SVEP1: variants seen among roughly 807,000 people sequenced by gnomAD.
SVEP1 encodes the protein sushi, von Willebrand factor type A, EGF and pentraxin domain-containing protein 1.
Under a neutral mutation model 367.3 loss-of-function variants are expected in SVEP1, and 164 were observed. The ratio of observed to expected loss-of-function variants is 0.45; its 90% CI spans 0.39 to 0.51. SVEP1 has a LOEUF of 0.51. Among genes scored for constraint, SVEP1 ranks in the 20% least tolerant of loss-of-function variants. The probability of loss-of-function intolerance (pLI) is 0.00; values close to 1 mark genes in which losing one functional copy is unlikely to be tolerated. For synonymous variants in SVEP1, 1,666 were observed against 1,611.6 expected (o/e 1.03, Z -0.81); for missense variants, 4,117 against 4,425.3 (o/e 0.93, Z 1.98).
In SVEP1 at chr9:110,549,805, C is replaced by A. The variant is rs745508101; in HGVS notation, c.787+44G>T. ...TTTCAAGCAGTGAGAGGCAAGGAAGCCTCATTTAAAAGTACCTTTGTGATG... is the reference window on the plus strand; with the variant it reads ...TTTCAAGCAGTGAGAGGCAAGGAAGACTCATTTAAAAGTACCTTTGTGATG... On this transcript the variant is annotated intron_variant, in intron 2 of 47. Coordinates refer to ENST00000374469, the MANE Select transcript of SVEP1 (RefSeq NM_153366.4). 1.7e-5 allele frequency: 27 copies of A among 1,603,298 alleles called. No homozygotes were observed. In the Admixed American group the frequency reaches 4.6e-4, roughly 27 times the overall value.
At chr9:110,378,066 A>G (rs185698989) in intron 44 of SVEP1, among the ~76,000 whole-genome samples, 1 of 152,202 alleles carries the variant, frequency 6.6e-6, no homozygotes, top group African/African-American at 2.4e-5. Context: ...GCAAAGCTGA[A>G]TAATATTTCA....
At chr9:110,448,503 C>G (rs550770428) in intron 24 of SVEP1, among the ~76,000 whole-genome samples, 15 of 152,276 alleles carry the variant, frequency 9.9e-5, no homozygotes, top group African/African-American at 3.6e-4. Context: ...GGGATCTTTA[C>G]TGGGTCTCTG....
chr9:110,429,878 A>G (rs1374007830), intron 34 of SVEP1, 42 bp downstream of exon 34: 3 of 1,551,780 alleles, frequency 1.9e-6, no homozygotes, highest in African/African-American at 1.4e-5. Flanking sequence ...CCAGTATGCC[A>G]TCAACATCTT....
chr9:110,425,441 A>G (rs2986669), intron 36 of SVEP1, among the ~76,000 whole-genome samples: 59,725 of 152,052 alleles, frequency 0.39, 12,315 homozygotes, highest in African/African-American at 0.53. Flanking sequence ...CAATGACAGA[A>G]AAAGTTTCCA....
chr9:110,424,172 C>T (rs753267319), intron 36 of SVEP1, among the ~76,000 whole-genome samples: 3 of 152,206 alleles, frequency 2.0e-5, no homozygotes, highest in Non-Finnish European at 2.9e-5. Flanking sequence ...TGTTCTTTTA[C>T]ATGTGTGCCA....
chr9:110,406,945 G>T lies in SVEP1; in HGVS notation c.8655C>A (p.Asp2885Glu), dbSNP rs776189099. 2 of 1,613,860 alleles carry T rather than the reference G, an allele frequency of 1.2e-6. No individual in the cohort carries two copies. The highest frequency in any genetic ancestry group is 1.1e-5 in the South Asian group (1 of 91,080). ...GGGTGGCACATCTGACAGGCACACAGTCGGGAGTGGCTCCACTCCAACTTC... is the reference window on the plus strand; with the variant it reads ...GGGTGGCACATCTGACAGGCACACATTCGGGAGTGGCTCCACTCCAACTTC... ...ANGSWSGATP[D>E]CVPVRCATPP... The change falls in exon 38 of 48, where the codon GAC (aspartate) becomes GAA (glutamate). Residue 2885 changes from aspartate to glutamate, a missense_variant. Physicochemically the swap from Asp to Glu is conservative, Grantham distance 45 (BLOSUM62 2). This residue lies in a region of SVEP1 where 1,765 missense variants were observed against 1,781.1 expected (regional missense o/e 0.99). Transcript: ENST00000374469.
chr9:110,535,771 T>C (rs953335995), intron 3 of SVEP1, among the ~76,000 whole-genome samples: 2 of 152,116 alleles, frequency 1.3e-5, no homozygotes, highest in Non-Finnish European at 2.9e-5. Context: ...TTTGTGGCAA[T>C]TGTGAATGAA....
intron 3 of SVEP1, among the ~76,000 whole-genome samples, chr9:110,518,215 A>G (rs1296828942): frequency 1.3e-5 from 2 of 151,946 alleles, no homozygotes; most frequent in Admixed American, 6.6e-5. Context: ...CTGAGGTCAG[A>G]AGTTCGAGAC....
At chr9:110,571,060 T>C (rs1166163518) in intron 1 of SVEP1, among the ~76,000 whole-genome samples, 1 of 141,370 alleles carries the variant, frequency 7.1e-6, no homozygotes, top group African/African-American at 2.6e-5. Context: ...CACTGCAACC[T>C]CGGCCTCCCA....
chr9:110,437,768 A>C (rs1442920591), intron 27 of SVEP1, among the ~76,000 whole-genome samples: 2 of 152,134 alleles, frequency 1.3e-5, no homozygotes, highest in African/African-American at 4.8e-5. Context: ...CCCAATGTGT[A>C]GTCTTTTATC....
chr9:110,431,425 C>T (rs569657514), intron 32 of SVEP1, among the ~76,000 whole-genome samples: 18 of 152,138 alleles, frequency 1.2e-4, no homozygotes, highest in African/African-American at 3.9e-4. Flanking sequence ...AATACAACAA[C>T]GGGTTGAGAG....
At chr9:110,392,411 T>G (rs1827675051) in intron 40 of SVEP1, among the ~76,000 whole-genome samples, 1 of 151,808 alleles carries the variant, frequency 6.6e-6, no homozygotes, top group African/African-American at 2.4e-5. Context: ...CGTATTCATT[T>G]TGTGTGTGTG....
At chr9:110,521,931 C>A (rs1248959209) in intron 3 of SVEP1, among the ~76,000 whole-genome samples, 1 of 152,148 alleles carries the variant, frequency 6.6e-6, no homozygotes, top group Non-Finnish European at 1.5e-5. Flanking sequence ...TAATTTTTTA[C>A]AAACTTGAAC....
intron 36 of SVEP1, among the ~76,000 whole-genome samples, chr9:110,423,172 AAAAAAAAAAAAG>A (rs1186293173): frequency 1.3e-4 from 19 of 146,334 alleles, no homozygotes; most frequent in African/African-American, 4.5e-4. Flanking sequence ...ATAAAGTAAA[AAAAAAAAAAAAG>A]AAAAAAAAAA....
rs560883432 is a variant in SVEP1, at chr9:110,439,803, T to C, written c.4640-3299A>G. On this transcript the variant is annotated intron_variant, in intron 27 of 47. Transcript: ENST00000374469. ...GTCAATTGGAACTCTGCAATATTTA[T>C]GGATTCTCAAACATCCTGGCCATCC... 2.6e-5 allele frequency among the ~76,000 whole-genome samples: 4 copies of C among 152,308 alleles called. No homozygotes were observed. In the East Asian group the frequency reaches 7.7e-4, roughly 29 times the overall value.
At chr9:110,390,064 AG>A (rs1209466655) in intron 40 of SVEP1, among the ~76,000 whole-genome samples, 3,096 of 115,518 alleles carry the variant, frequency 0.027, 73 homozygotes, top group African/African-American at 0.05. Flanking sequence ...TATATATATA[AG>A]TATATATATA....
intron 40 of SVEP1, among the ~76,000 whole-genome samples, chr9:110,391,583 T>C (rs1827656366): frequency 6.6e-6 from 1 of 152,094 alleles, no homozygotes; most frequent in Admixed American, 6.6e-5. Flanking sequence ...TGATGTGTCA[T>C]TACATTTGAA....
chr9:110,386,092 A>G lies in SVEP1; in HGVS notation c.10061-18T>C, dbSNP rs536227312. On this transcript the variant is annotated intron_variant, in intron 42 of 47. Coordinates refer to ENST00000374469, the MANE Select transcript of SVEP1 (RefSeq NM_153366.4). ...TGGATTTGCTGTCAAAAAGAAAAGA[A>G]AATGCTTACTGATATTTCCCCTCTT... 211 of 1,601,010 alleles carry G rather than the reference A, an allele frequency of 1.3e-4. 2 individuals are homozygous for G. The South Asian group carries it at 2.2e-3, about 17-fold the overall frequency.
chr9:110,441,584 G>A (rs1680170228), intron 27 of SVEP1, among the ~76,000 whole-genome samples: 1 of 152,196 alleles, frequency 6.6e-6, no homozygotes, highest in African/African-American at 2.4e-5. Flanking sequence ...ACACATCCAG[G>A]GATCTGTCTG....
Sources: gnomAD v4.1 joint callset for allele counts (sites outside exome capture counted in the v4.1 genomes callset) on GRCh38, gnomAD v4.1.1 for gene constraint, gnomAD v4.1.1 regional missense constraint, MANE v1.5 for transcripts, NCBI Gene and HGNC (gene_info 2026-07-23, HGNC 2026-07-21) for gene names.